Variants in HS3ST5 observed in about 807,000 individuals in gnomAD.
HS3ST5 encodes heparan sulfate-glucosamine 3-sulfotransferase 5.
A neutral mutation model predicts 25.4 loss-of-function variants in HS3ST5; 10 were observed. The observed-to-expected ratio is 0.39, with a 90% CI of 0.24 to 0.67. The LOEUF (loss-of-function observed/expected upper bound fraction) is 0.67. HS3ST5 is among the 30% of genes least tolerant of loss of function. The pLI, the probability that HS3ST5 is intolerant of heterozygous loss-of-function variation, is 0.44. For missense variants in HS3ST5, 324 were observed against 420.7 expected, an observed-to-expected ratio of 0.77 and a Z score of 2.01; for synonymous variants, 170 against 162.4, an observed-to-expected ratio of 1.05 and a Z score of -0.36.
At chr6:114,312,813 C>A (rs964365922) in intron 1 of HS3ST5, among the ~76,000 whole-genome samples, 1 of 151,670 alleles carries the variant, frequency 6.6e-6, no homozygotes, top group Non-Finnish European at 1.5e-5. Flanking sequence ...GCAGATCACT[C>A]GAGGCCAGGA....
intron 3 of HS3ST5, among the ~76,000 whole-genome samples, chr6:114,149,481 A>G (rs1778345579): frequency 6.6e-6 from 1 of 152,212 alleles, no homozygotes; most frequent in South Asian, 2.1e-4. Context: ...TAACACAGGA[A>G]CAGAAAACCA....
At chr6:114,295,875 T>C (rs942014131) in intron 1 of HS3ST5, among the ~76,000 whole-genome samples, 7 of 152,164 alleles carry the variant, frequency 4.6e-5, no homozygotes, top group African/African-American at 1.4e-4. Context: ...GCAAATAAGA[T>C]AGTCATAAGT....
intron 2 of HS3ST5, among the ~76,000 whole-genome samples, chr6:114,213,968 T>C (rs1781635434): frequency 6.6e-6 from 1 of 152,212 alleles, no homozygotes; most frequent in Non-Finnish European, 1.5e-5. Context: ...ACTTATTCTG[T>C]TTTTCTTTCC....
chr6:114,266,555 T>A (rs577609459), intron 1 of HS3ST5, among the ~76,000 whole-genome samples: 1 of 152,160 alleles, frequency 6.6e-6, no homozygotes, highest in Non-Finnish European at 1.5e-5. Flanking sequence ...TAAAATGCAA[T>A]GTGTGGGTTT....
At chr6:114,306,756 TC>T (rs1219367998) in intron 1 of HS3ST5, among the ~76,000 whole-genome samples, 3 of 152,136 alleles carry the variant, frequency 2.0e-5, no homozygotes, top group Non-Finnish European at 2.9e-5. Flanking sequence ...CAATCCAGAA[TC>T]CAATAAGTTT....
chr6:114,189,663 G>C (rs770685135), intron 2 of HS3ST5, among the ~76,000 whole-genome samples: 3 of 150,864 alleles, frequency 2.0e-5, no homozygotes, highest in Admixed American at 6.6e-5. Context: ...TTTTTCTTTT[G>C]TTTTCTGAAT....
chr6:114,138,498 C>T (rs923683946), intron 3 of HS3ST5, among the ~76,000 whole-genome samples: 20 of 152,144 alleles, frequency 1.3e-4, no homozygotes, highest in African/African-American at 4.6e-4. Context: ...AAAAACAGAA[C>T]CCAGCGTTAG....
In HS3ST5 at chr6:114,111,099, G is replaced by A. The variant is rs919520174; in HGVS notation, c.-32-48222C>T. 5.3e-5 allele frequency among the ~76,000 whole-genome samples: 8 copies of A among 152,118 alleles called. No individual in the cohort carries two copies. In the East Asian group the frequency reaches 7.7e-4, roughly 15 times the overall value. On this transcript the variant is annotated intron_variant, in intron 3 of 4. Coordinates refer to ENST00000312719, the MANE Select transcript of HS3ST5 (RefSeq NM_153612.4). Reference sequence around the variant, plus strand: ...GACCTCTTATTTTTAGTAAACTATCGTTTTTTACTGCTTTGGAAAAAAGTA... The same window carrying A: ...GACCTCTTATTTTTAGTAAACTATCATTTTTTACTGCTTTGGAAAAAAGTA...
At chr6:114,136,252 A>AG (rs1195029420) in intron 3 of HS3ST5, among the ~76,000 whole-genome samples, 5 of 152,178 alleles carry the variant, frequency 3.3e-5, no homozygotes, top group Non-Finnish European at 2.9e-5. Flanking sequence ...ACCCAGTGGG[A>AG]GTAATTAAAT....
chr6:114,165,476 G>A (rs755473424), intron 3 of HS3ST5, among the ~76,000 whole-genome samples: 6 of 152,046 alleles, frequency 3.9e-5, no homozygotes, highest in Admixed American at 6.6e-5. Flanking sequence ...GGGATGTTTG[G>A]TTTCAATGTT....
chr6:114,211,022 T>C (rs541329261), intron 2 of HS3ST5, among the ~76,000 whole-genome samples: 1 of 152,350 alleles, frequency 6.6e-6, no homozygotes, highest in South Asian at 2.1e-4. Flanking sequence ...TTGTCTCTGC[T>C]TTAGTAAAGT....
At chr6:114,200,014 A>G (rs1026021231) in intron 2 of HS3ST5, among the ~76,000 whole-genome samples, 5 of 152,154 alleles carry the variant, frequency 3.3e-5, no homozygotes, top group African/African-American at 1.2e-4. Context: ...TGAGGTCAGG[A>G]GTTCGAAACC....
chr6:114,234,317 A>AAT (rs886549201), intron 1 of HS3ST5, among the ~76,000 whole-genome samples: 79 of 148,036 alleles, frequency 5.3e-4, no homozygotes, highest in African/African-American at 9.1e-4. Flanking sequence ...TAATATATAT[A>AAT]ATATATATAT....
chr6:114,175,663 A>G (rs1779690133), intron 2 of HS3ST5, among the ~76,000 whole-genome samples: 1 of 152,200 alleles, frequency 6.6e-6, no homozygotes, highest in African/African-American at 2.4e-5. Flanking sequence ...AGCTACTTGC[A>G]CAAAGATAAA....
intron 1 of HS3ST5, among the ~76,000 whole-genome samples, chr6:114,311,539 C>CTTTTTTTTTTTTTTTTTT (rs11463610): frequency 2.4e-5 from 2 of 84,880 alleles, no homozygotes; most frequent in Non-Finnish European, 4.2e-5. Context: ...TTCTCTCTCT[C>CTTTTTTTTTTTTTTTTTT]TTTTTTTTTT....
chr6:114,313,022 T>A (rs1775595878), intron 1 of HS3ST5, among the ~76,000 whole-genome samples: 1 of 30,826 alleles, frequency 3.2e-5, no homozygotes, highest in Non-Finnish European at 5.3e-5. Context: ...AGACCCTGCA[T>A]CAGAAAAAAA....
chr6:114,091,744 G>T (rs1356543520), intron 3 of HS3ST5, among the ~76,000 whole-genome samples: 1 of 151,934 alleles, frequency 6.6e-6, no homozygotes, highest in Non-Finnish European at 1.5e-5. Context: ...ACCATGTTTT[G>T]GCCTTTCCCA....
At chr6:114,131,514 T>A (rs367878944) in intron 3 of HS3ST5, among the ~76,000 whole-genome samples, 1 of 152,178 alleles carries the variant, frequency 6.6e-6, no homozygotes, top group Non-Finnish European at 1.5e-5. Context: ...ATATGCCATA[T>A]AGAGAAAAAA....
intron 1 of HS3ST5, among the ~76,000 whole-genome samples, chr6:114,298,453 T>C (rs189066445): frequency 1.4e-4 from 22 of 152,348 alleles, no homozygotes; most frequent in African/African-American, 4.8e-4. Context: ...ACCTATAATA[T>C]CTCATTTAAT....
Sources: allele counts gnomAD v4.1 joint callset (sites outside exome capture counted in the v4.1 genomes callset), GRCh38; gene constraint gnomAD v4.1.1; transcripts MANE v1.5; gene names NCBI Gene and HGNC (gene_info 2026-07-23, HGNC 2026-07-21).